NLRP8: variants seen among roughly 807,000 people sequenced by gnomAD.
NLRP8 encodes NLR family pyrin domain containing 8.
A neutral mutation model predicts 88.7 loss-of-function variants in NLRP8; 86 were observed. The observed-to-expected ratio is 0.97, with a 90% confidence interval of 0.81 to 1.16. The LOEUF (loss-of-function observed/expected upper bound fraction) is 1.16. NLRP8 is among the 50% of genes most tolerant of loss of function. The probability of loss-of-function intolerance (pLI) is 0.00; values close to 1 mark genes in which losing one functional copy is unlikely to be tolerated. For missense variants in NLRP8, 1,342 were observed against 1,286.5 expected (o/e 1.04, Z -0.66); for synonymous variants, 504 against 494.6 (o/e 1.02, Z -0.25).
In NLRP8 at chr19:55,955,673, C is replaced by T. The variant is rs139633529; in HGVS notation, c.1615C>T (p.Gln539Ter). 38 of 1,614,154 alleles carry T rather than the reference C, an allele frequency of 2.4e-5. No individual in the cohort carries two copies. The East Asian group carries it at 6.2e-4, about 27-fold the overall frequency. ...TCATGTGTTGAGCCACGTGAATATC[C>T]AGCGCCTGATAGCGAGTCCCAGAGG... is the stretch of plus-strand genomic sequence containing the variant. The change falls in exon 3 of 10, where the codon CAG (glutamine) becomes TAG (stop). Residue 539 changes from glutamine (Q) to a stop codon, truncating the protein, a stop_gained. Transcript: ENST00000291971. LOFTEE classifies it high-confidence loss of function.
rs569935944 is a variant in NLRP8 at position 55,957,484 on chromosome 19, G to A, written c.2042+1384G>A. ...GTGGATCACTTGAGGCCAGGAGTTC[G>A]AGACCATGCTGGCCAACATGGTAAA... On this transcript the variant is annotated intron_variant, in intron 3 of 9. Coordinates refer to ENST00000291971, the MANE Select transcript of NLRP8 (RefSeq NM_176811.2). 3.3e-5 allele frequency among the ~76,000 whole-genome samples: 5 copies of A among 151,594 alleles called. No individual in the cohort carries two copies. The East Asian group carries it at 9.7e-4, about 29-fold the overall frequency.
In NLRP8 at chr19:55,984,460, G is replaced by C. The variant is rs547780277; in HGVS notation, c.3048-3354G>C. Reference sequence around the variant, plus strand: ...ACCTGAGGTCAGGAATTTGAGACCGGCCTGGCCAACATGGAGAAACCCCGT... The same window carrying C: ...ACCTGAGGTCAGGAATTTGAGACCGCCCTGGCCAACATGGAGAAACCCCGT... On this transcript the variant is annotated intron_variant, in intron 9 of 9. Transcript: ENST00000291971. 1.0e-4 allele frequency among the ~76,000 whole-genome samples: 15 copies of C among 145,670 alleles called. 1 individual carries two copies. Among genetic ancestry groups the C allele is most frequent in the Admixed American group, 5.1e-4 (7 of 13,736 alleles).
chr19:55,969,102 T>C (rs1979965077), intron 5 of NLRP8, among the ~76,000 whole-genome samples: 1 of 152,196 alleles, frequency 6.6e-6, no homozygotes, highest in Non-Finnish European at 1.5e-5. Flanking sequence ...CTGTACTTTT[T>C]TGGTTTGTTT....
rs140950592 is a variant in NLRP8, at chr19:55,971,025, C to T, written c.2534+329C>T. 1.3e-3 allele frequency among the ~76,000 whole-genome samples: 201 copies of T among 152,170 alleles called. 1 individual carries two copies. Among genetic ancestry groups the T allele is most frequent in the African/African-American group, 4.7e-3 (196 of 41,528 alleles). Reference sequence around the variant, plus strand: ...TCACTGGTTTTATTGACCCTGCCCCCGACCCCACTGTGATGACATATTGAA... The same window carrying T: ...TCACTGGTTTTATTGACCCTGCCCCTGACCCCACTGTGATGACATATTGAA... On this transcript the variant is annotated intron_variant, in intron 6 of 9. Transcript: ENST00000291971.
At chr19:55,971,396 G>A (rs1298482523) in intron 6 of NLRP8, among the ~76,000 whole-genome samples, 2 of 132,956 alleles carry the variant, frequency 1.5e-5, no homozygotes, top group South Asian at 2.4e-4. Context: ...AGCCGAGATC[G>A]CACCACTGCA....
Position 55,977,099 on chromosome 19 carries a change from T to C in NLRP8, c.2876+796T>C, listed in dbSNP as rs199581157. On this transcript the variant is annotated intron_variant, in intron 8 of 9. Coordinates refer to ENST00000291971, the MANE Select transcript of NLRP8 (RefSeq NM_176811.2). Reference sequence around the variant, plus strand: ...TGTCTCAAAAAAAAAAAAAGATACATATATACATATATATGTATATAAAGA... The same window carrying C: ...TGTCTCAAAAAAAAAAAAAGATACACATATACATATATATGTATATAAAGA... Among the ~76,000 whole-genome samples, 3 of 146,338 alleles carry C rather than the reference T, an allele frequency of 2.1e-5. No homozygotes were observed. In the East Asian group the frequency reaches 6.0e-4, roughly 29 times the overall value.
rs1382944837 is a variant in NLRP8, at chr19:55,966,213, C to A, written c.2214C>A (p.Leu738=). ...CAAGGAGACGCTCTTCCCTCTCCAG[C>A]CTAAGGCGTGTGAATAGCACCATGT... The change falls in exon 5 of 10, where the codon CTC becomes CTA. Residue 738 remains leucine (L), a splice_region_variant and synonymous_variant. Transcript: ENST00000291971. The A allele has an allele frequency of 1.2e-6, 2 of 1,613,704 alleles. No individual in the cohort carries two copies. Among genetic ancestry groups the A allele is most frequent in the African/African-American group, 1.3e-5 (1 of 74,914 alleles).
intron 7 of NLRP8, 57 bp from the exon 8 acceptor site, chr19:55,976,076 G>T: frequency 1.4e-6 from 2 of 1,386,686 alleles, no homozygotes; most frequent in Non-Finnish European, 1.9e-6. Flanking sequence ...TGTTGTTGTT[G>T]TTGTTGTTTT....
rs370615297 is a variant in NLRP8, at chr19:55,947,856, G to A, written c.-47G>A. 7.0e-5 allele frequency: 108 copies of A among 1,552,258 alleles called. 1 individual carries two copies. The South Asian group carries it at 8.2e-4, about 12-fold the overall frequency. The stretch of plus-strand genomic sequence containing the variant: ...GGTCTCGTGTTTCTCTCTTCCAATC[G>A]GTTGTCTTTATCGTGGACACTGAGG... On this transcript the variant is annotated 5_prime_UTR_variant, in exon 1 of 10. Coordinates refer to ENST00000291971, the MANE Select transcript of NLRP8 (RefSeq NM_176811.2).
At chr19:55,950,933 C>G (rs1773378222) in intron 1 of NLRP8, among the ~76,000 whole-genome samples, 1 of 152,136 alleles carries the variant, frequency 6.6e-6, no homozygotes, top group African/African-American at 2.4e-5. Context: ...CAGAAATTAG[C>G]CGGGCGTGGT....
At chr19:55,950,446 C>CACAG (rs1054692964) in intron 1 of NLRP8, among the ~76,000 whole-genome samples, 1 of 150,782 alleles carries the variant, frequency 6.6e-6, no homozygotes, top group African/African-American at 2.5e-5. Context: ...CACACACACA[C>CACAG]AGAGACACAC....
intron 4 of NLRP8, among the ~76,000 whole-genome samples, chr19:55,964,334 C>T (rs1979741918): frequency 6.6e-6 from 1 of 152,190 alleles, no homozygotes; most frequent in East Asian, 1.9e-4. Context: ...AGACCTGAAA[C>T]TAAACTTTAG....
At chr19:55,986,428 TCA>T (rs1174771137) in intron 9 of NLRP8, among the ~76,000 whole-genome samples, 2 of 146,198 alleles carry the variant, frequency 1.4e-5, no homozygotes, top group South Asian at 2.2e-4. Flanking sequence ...ATTCTCTCTC[TCA>T]CACACACATG....
chr19:55,966,393 A>G lies in NLRP8; in HGVS notation c.2381+13A>G. ...TGCAGTGTCTCAGGTGAGATTTGAGAGGGGGGTTAGAGTGGGAACCGGGGT... is the reference window on the plus strand; with the variant it reads ...TGCAGTGTCTCAGGTGAGATTTGAGGGGGGGGTTAGAGTGGGAACCGGGGT... On this transcript the variant is annotated intron_variant, in intron 5 of 9. Transcript: ENST00000291971. The G allele has an allele frequency of 6.2e-7, 1 of 1,612,248 alleles. No individual in the cohort carries two copies. The highest frequency in any genetic ancestry group is 8.5e-7 in the Non-Finnish European group (1 of 1,178,848).
intron 7 of NLRP8, among the ~76,000 whole-genome samples, chr19:55,975,106 C>G (rs1185085214): frequency 6.6e-6 from 1 of 152,170 alleles, no homozygotes; most frequent in Non-Finnish European, 1.5e-5. Context: ...CTCTAGAGAG[C>G]TGGTTTACTA....
Position 55,948,208 on chromosome 19 carries a change from G to C in NLRP8, c.306G>C (p.Ser102=), listed in dbSNP as rs144859503. 1 of 1,614,118 alleles carries C rather than the reference G, an allele frequency of 6.2e-7. No individual in the cohort carries two copies. The highest frequency in any genetic ancestry group is 8.5e-7 in the Non-Finnish European group (1 of 1,180,008). Residue 102 remains serine (S), a synonymous_variant, in exon 1 of 10, where the codon TCG becomes TCC. Transcript: ENST00000291971. ...GACGACGCGCTTGGGATGTGACTTC[G>C]AACATCTTTGCCATTATGAACTGTG...
intron 9 of NLRP8, among the ~76,000 whole-genome samples, chr19:55,986,487 C>CACACAT (rs777373958): frequency 9.3e-4 from 141 of 151,232 alleles, no homozygotes; most frequent in South Asian, 4.6e-3. Flanking sequence ...CACACACACA[C>CACACAT]ACACACACAC....
At chr19:55,986,941 C>A (rs1980872295) in intron 9 of NLRP8, among the ~76,000 whole-genome samples, 2 of 152,148 alleles carry the variant, frequency 1.3e-5, no homozygotes, top group African/African-American at 4.8e-5. Flanking sequence ...TGCTCAAAGC[C>A]CAGGACCAAA....
chr19:55,964,040 A>C (rs932670777), intron 4 of NLRP8, among the ~76,000 whole-genome samples: 2 of 152,174 alleles, frequency 1.3e-5, no homozygotes, highest in Non-Finnish European at 2.9e-5. Flanking sequence ...CTCTAGAATC[A>C]GTTCTCTTAG....
Sources: gnomAD v4.1 joint callset for allele counts (sites outside exome capture counted in the v4.1 genomes callset) on GRCh38, gnomAD v4.1.1 for gene constraint, MANE v1.5 for transcripts, NCBI Gene and HGNC (gene_info 2026-07-23, HGNC 2026-07-21) for gene names.